ZNF611: variants seen among roughly 807,000 people sequenced by gnomAD.
ZNF611 encodes the protein zinc finger protein 611.
Under a neutral mutation model 8.9 loss-of-function variants are expected in ZNF611, and 6 were observed. That is an observed-to-expected ratio of 0.68 (90% confidence interval 0.37 to 1.34). The LOEUF is 1.34. Among genes scored for constraint, ZNF611 ranks in the 40% most tolerant of loss-of-function variants. The pLI is 0.02. For missense variants in ZNF611, 874 were observed against 841.3 expected (o/e 1.04, Z -0.48); for synonymous variants, 262 against 279.7 (o/e 0.94, Z 0.63).
In ZNF611 at chr19:52,706,194, G is replaced by A; in HGVS notation, c.861C>T (p.Tyr287=). 1 of 1,614,192 alleles carries A rather than the reference G, an allele frequency of 6.2e-7. No individual in the cohort carries two copies. Among genetic ancestry groups the A allele is most frequent in the African/African-American group, 1.3e-5 (1 of 75,050 alleles). ...HDRCHTVEKP[Y]KCKECGKTFS... ...AGGTCTTGCCACACTCTTTACACTTGTAAGGTTTCTCAACAGTGTGACATC... is the reference window on the plus strand; with the variant it reads ...AGGTCTTGCCACACTCTTTACACTTATAAGGTTTCTCAACAGTGTGACATC... Residue 287 remains tyrosine (Y), a synonymous_variant, in exon 6 of 6, where the codon TAC becomes TAT. Transcript: ENST00000652185.
chr19:52,718,799 A>AAAAC (rs548811105), intron 3 of ZNF611, among the ~76,000 whole-genome samples: 9 of 151,698 alleles, frequency 5.9e-5, no homozygotes, highest in Admixed American at 5.2e-4. Flanking sequence ...ACTCAGTCAA[A>AAAAC]AAACAAACAA....
At chr19:52,719,553 AAC>A (rs1306484798) in intron 3 of ZNF611, among the ~76,000 whole-genome samples, 4 of 152,162 alleles carry the variant, frequency 2.6e-5, no homozygotes, top group Admixed American at 2.6e-4. Context: ...TTACCTTATA[AAC>A]AGAGAAAGCA....
Position 52,705,146 on chromosome 19 carries a change from G to A in ZNF611, c.1909C>T (p.Leu637Phe), listed in dbSNP as rs780174584. 42 of 1,614,016 alleles carry A rather than the reference G, an allele frequency of 2.6e-5. No individual in the cohort carries two copies. Among genetic ancestry groups the A allele is most frequent in the Middle Eastern group, 3.3e-4 (2 of 6,084 alleles). The change falls in exon 6 of 6, where the codon CTT becomes TTT. Residue 637 changes from leucine to phenylalanine, a missense_variant. Coordinates refer to ENST00000652185, the MANE Select transcript of ZNF611 (RefSeq NM_001161499.2). ...GTATGAAGTCTACGATGGTATATAA[G>A]GGATGAGCAGTGACGGAAGGTATTG... ...CGNTFRHCSS[L>F]IYHRRLHTGE...
chr19:52,711,021 G>T (rs575256378), intron 5 of ZNF611, among the ~76,000 whole-genome samples: 1 of 147,940 alleles, frequency 6.8e-6, no homozygotes, highest in African/African-American at 2.5e-5. Context: ...CAACAAGAGG[G>T]AAACTCCATT....
chr19:52,731,593 T>A (rs2062426077), intron 1 of ZNF611, among the ~76,000 whole-genome samples: 1 of 151,836 alleles, frequency 6.6e-6, no homozygotes, highest in South Asian at 2.1e-4. Flanking sequence ...GGTATCGAAC[T>A]CCTGACCTCG....
Position 52,705,114 on chromosome 19 carries a change from C to A in ZNF611, c.1941G>T (p.Glu647Asp). ...LIYHRRLHTG[E>D]KSYKCTICDK... ...CACAAATTGTACATTTGTAAGATTT[C>A]TCTCCAGTATGAAGTCTACGATGGT... Residue 647 changes from glutamate (E) to aspartate (D), a missense_variant, in exon 6 of 6, where the codon GAG becomes GAT. Transcript: ENST00000652185. 1.2e-6 allele frequency: 2 copies of A among 1,614,172 alleles called. No homozygotes were observed. The highest frequency in any genetic ancestry group is 1.7e-6 in the Non-Finnish European group (2 of 1,180,028).
At chr19:52,731,205 T>C (rs572116169) in intron 1 of ZNF611, among the ~76,000 whole-genome samples, 2 of 152,140 alleles carry the variant, frequency 1.3e-5, no homozygotes, top group Admixed American at 6.5e-5. Context: ...TAGCTGAAAT[T>C]AGAGGCGTGT....
intron 3 of ZNF611, among the ~76,000 whole-genome samples, chr19:52,716,738 G>A (rs536582028): frequency 1.3e-5 from 2 of 152,216 alleles, no homozygotes; most frequent in East Asian, 3.9e-4. Flanking sequence ...ATATCTGAGT[G>A]CCTCCTTCAA....
intron 5 of ZNF611, among the ~76,000 whole-genome samples, chr19:52,710,775 T>C (rs1174050477): frequency 6.6e-6 from 1 of 152,136 alleles, no homozygotes; most frequent in Non-Finnish European, 1.5e-5. Context: ...GGAAGTTGAG[T>C]GTGTACTATA....
At chr19:52,726,722 G>GTTTTTT (rs56146245) in intron 3 of ZNF611, among the ~76,000 whole-genome samples, 1 of 130,302 alleles carries the variant, frequency 7.7e-6, no homozygotes. Context: ...TCGGCCTTGT[G>GTTTTTT]TTTTTTTTTT....
intron 5 of ZNF611, among the ~76,000 whole-genome samples, chr19:52,711,856 T>C (rs141827290): frequency 0.03 from 4,578 of 151,978 alleles, 117 homozygotes; most frequent in African/African-American, 0.074. Context: ...GATCAATGTA[T>C]CATGTGAGTC....
At chr19:52,720,072 A>G (rs1403249304) in intron 3 of ZNF611, among the ~76,000 whole-genome samples, 2 of 152,224 alleles carry the variant, frequency 1.3e-5, no homozygotes, top group Non-Finnish European at 2.9e-5. Context: ...CGTTTCAGAG[A>G]GCACGGGGTT....
intron 5 of ZNF611, 76 bp downstream of exon 5, chr19:52,713,937 CAA>C (rs916986263): frequency 1.9e-6 from 3 of 1,587,638 alleles, no homozygotes; most frequent in South Asian, 1.2e-5. Context: ...GGCAAAATCA[CAA>C]AAGAGGATAC....
intron 5 of ZNF611, 82 bp from the exon 6 acceptor site, chr19:52,706,946 A>G: frequency 6.6e-7 from 1 of 1,520,662 alleles, no homozygotes; most frequent in South Asian, 1.4e-5. Context: ...GACACAAAAA[A>G]CGATACTTAT....
At chr19:52,721,531 C>T (rs985356846) in intron 3 of ZNF611, among the ~76,000 whole-genome samples, 2 of 152,144 alleles carry the variant, frequency 1.3e-5, no homozygotes, top group Non-Finnish European at 2.9e-5. Flanking sequence ...ATACAAAAAC[C>T]AGTCAGGCTT....
intron 4 of ZNF611, 101 bp from the exon 5 acceptor site, chr19:52,714,242 A>T: frequency 1.9e-6 from 3 of 1,548,832 alleles, no homozygotes; most frequent in Non-Finnish European, 2.6e-6. Context: ...TTGATCAAAG[A>T]TTATGTTCTG....
chr19:52,718,331 A>G (rs2062331731), intron 3 of ZNF611, among the ~76,000 whole-genome samples: 1 of 151,848 alleles, frequency 6.6e-6, no homozygotes, highest in Non-Finnish European at 1.5e-5. Flanking sequence ...CAGAGTCTCA[A>G]TAAATAAAAA....
Position 52,703,975 on chromosome 19 carries a change from G to A in ZNF611, c.*962C>T, listed in dbSNP as rs190851035. 2.7e-5 allele frequency: 5 copies of A among 183,018 alleles called. No individual in the cohort carries two copies. In the East Asian group the frequency reaches 6.2e-4, roughly 23 times the overall value. The allele number at this position is 183,018 out of a possible 1,614,324, so 11.3% of individuals were successfully genotyped here. ...AGTACTATCTCTTTAAAAAGTACTG[G>A]CTCAAAAAAATAATAGAAAATAAGA... is the stretch of plus-strand genomic sequence containing the variant. On this transcript the variant is annotated 3_prime_UTR_variant, in exon 6 of 6. Transcript: ENST00000652185.
chr19:52,712,209 A>G (rs2147424049), intron 5 of ZNF611, among the ~76,000 whole-genome samples: 1 of 149,844 alleles, frequency 6.7e-6, no homozygotes, highest in East Asian at 2.0e-4. Context: ...AGAAATGCAT[A>G]CAAACACACA....
Sources: allele counts gnomAD v4.1 joint callset (sites outside exome capture counted in the v4.1 genomes callset), GRCh38; gene constraint gnomAD v4.1.1; transcripts MANE v1.5; gene names NCBI Gene and HGNC (gene_info 2026-07-23, HGNC 2026-07-21).